The following NALF1 variants were observed in gnomAD, a reference collection of about 807,000 sequenced individuals.
The protein encoded by NALF1 is family with sequence similarity 155 member A.
A neutral mutation model predicts 48.4 loss-of-function variants in NALF1; 3 were observed. The ratio of observed to expected loss-of-function variants is 0.06; its 90% CI spans 0.03 to 0.16. NALF1 has a LOEUF of 0.16. Among genes scored for constraint, NALF1 ranks in the 10% least tolerant of loss-of-function variants. NALF1 has a pLI of 1.00. For missense variants in NALF1, 526 were observed against 571.5 expected, an observed-to-expected ratio of 0.92 and a Z score of 0.81; for synonymous variants, 262 against 245.7, an observed-to-expected ratio of 1.07 and a Z score of -0.62.
chr13:107,763,870 C>T (rs1019545631), intron 1 of NALF1, among the ~76,000 whole-genome samples: 2 of 152,274 alleles, frequency 1.3e-5, no homozygotes, highest in South Asian at 2.1e-4. Context: ...TAATCACAAG[C>T]TGTCCTATGC....
chr13:107,548,373 T>G (rs1441900897), intron 1 of NALF1, among the ~76,000 whole-genome samples: 13 of 152,180 alleles, frequency 8.5e-5, no homozygotes, highest in Non-Finnish European at 1.5e-4. Context: ...AATCTGTCAT[T>G]GATGGGCATT....
At chr13:107,286,375 C>T (rs547054205) in intron 1 of NALF1, among the ~76,000 whole-genome samples, 37 of 152,014 alleles carry the variant, frequency 2.4e-4, no homozygotes, top group Middle Eastern at 6.8e-3. Flanking sequence ...GACTCGTGCC[C>T]GTAGCTCCGG....
chr13:107,629,207 A>G (rs987349753), intron 1 of NALF1, among the ~76,000 whole-genome samples: 2 of 152,190 alleles, frequency 1.3e-5, no homozygotes, highest in African/African-American at 4.8e-5. Context: ...ACACATCTTC[A>G]TTTATTTGAC....
At chr13:107,504,954 A>C (rs186236594) in intron 1 of NALF1, among the ~76,000 whole-genome samples, 1 of 152,314 alleles carries the variant, frequency 6.6e-6, no homozygotes, top group Non-Finnish European at 1.5e-5. Context: ...GTGTCCAACA[A>C]CACAAAGGAC....
intron 1 of NALF1, among the ~76,000 whole-genome samples, chr13:107,333,000 C>G (rs1447464872): frequency 1.3e-5 from 2 of 152,090 alleles, no homozygotes; most frequent in Admixed American, 1.3e-4. Flanking sequence ...TGCGTGCCAC[C>G]ACACCCAGCT....
At chr13:107,514,789 C>G (rs1197060673) in intron 1 of NALF1, among the ~76,000 whole-genome samples, 1 of 152,152 alleles carries the variant, frequency 6.6e-6, no homozygotes, top group African/African-American at 2.4e-5. Flanking sequence ...AAAGCCTATA[C>G]TCTCCCCCAC....
At chr13:107,786,113 G>C (rs186303023) in intron 1 of NALF1, among the ~76,000 whole-genome samples, 3 of 152,210 alleles carry the variant, frequency 2.0e-5, no homozygotes, top group Non-Finnish European at 2.9e-5. Context: ...ACCCTCACAG[G>C]AAGGAACTCA....
At chr13:107,681,208 T>G (rs1204833620) in intron 1 of NALF1, among the ~76,000 whole-genome samples, 9 of 152,186 alleles carry the variant, frequency 5.9e-5, no homozygotes, top group African/African-American at 1.9e-4. Flanking sequence ...AATATGTCTT[T>G]GAAGCCATGT....
intron 1 of NALF1, among the ~76,000 whole-genome samples, chr13:107,614,977 A>G (rs1710444262): frequency 1.3e-5 from 2 of 151,766 alleles, no homozygotes; most frequent in Non-Finnish European, 2.9e-5. Flanking sequence ...AGGTTTCACC[A>G]TGTTGGCCAG....
intron 1 of NALF1, among the ~76,000 whole-genome samples, chr13:107,581,964 T>A (rs1878324901): frequency 6.6e-6 from 1 of 152,196 alleles, no homozygotes; most frequent in Non-Finnish European, 1.5e-5. Flanking sequence ...TTTGGACATT[T>A]ACTTTTCATG....
chr13:107,184,417 C>G (rs1185389895), intron 2 of NALF1, among the ~76,000 whole-genome samples: 1 of 151,550 alleles, frequency 6.6e-6, no homozygotes, highest in Non-Finnish European at 1.5e-5. Flanking sequence ...CAGTTTATTA[C>G]ATTCCCTCTG....
At chr13:107,557,958 G>A (rs972008237) in intron 1 of NALF1, among the ~76,000 whole-genome samples, 2 of 152,084 alleles carry the variant, frequency 1.3e-5, no homozygotes, top group Non-Finnish European at 2.9e-5. Context: ...TGGTATTCTT[G>A]TGGGATGTGT....
chr13:107,861,613 T>C (rs1036649357), intron 1 of NALF1, among the ~76,000 whole-genome samples: 4 of 152,190 alleles, frequency 2.6e-5, no homozygotes, highest in Admixed American at 6.5e-5. Context: ...TGAAACACCA[T>C]CTCTATGAAA....
chr13:107,318,257 T>A (rs1882188188), intron 1 of NALF1, among the ~76,000 whole-genome samples: 5 of 152,094 alleles, frequency 3.3e-5, no homozygotes, highest in Admixed American at 2.6e-4. Context: ...TTTTTGAAAA[T>A]TTTCACCTGT....
chr13:107,810,809 T>C (rs1594283974), intron 1 of NALF1, among the ~76,000 whole-genome samples: 1 of 152,058 alleles, frequency 6.6e-6, no homozygotes, highest in South Asian at 2.1e-4. Flanking sequence ...AAAGTCATTC[T>C]GTGAACTAGA....
intron 1 of NALF1, among the ~76,000 whole-genome samples, chr13:107,612,928 C>T (rs1879274522): frequency 6.6e-6 from 1 of 151,884 alleles, no homozygotes; most frequent in South Asian, 2.1e-4. Flanking sequence ...CCTATTGGCT[C>T]CATTTCTTTG....
chr13:107,389,935 C>A (rs754114126), intron 1 of NALF1, among the ~76,000 whole-genome samples: 1 of 152,156 alleles, frequency 6.6e-6, no homozygotes, highest in African/African-American at 2.4e-5. Flanking sequence ...ATTATTATCT[C>A]TAAAACATGC....
At chr13:107,302,556 G>A (rs1465300151) in intron 1 of NALF1, among the ~76,000 whole-genome samples, 2 of 152,140 alleles carry the variant, frequency 1.3e-5, no homozygotes, top group Non-Finnish European at 2.9e-5. Context: ...ACAACACTGG[G>A]GCTCCAATGG....
rs1387664039 is a variant in NALF1 at position 107,783,190 on chromosome 13, T to TG, written c.915+82491dup. On this transcript the variant is annotated intron_variant, in intron 1 of 2. Transcript: ENST00000375915. Reference sequence around the variant, plus strand: ...CCAGCCGCCCCGTCCGGGAGGGAGGTGGGGGGTCAGTCCCCCGCCCGGCCA... The same window carrying TG: ...CCAGCCGCCCCGTCCGGGAGGGAGGTGGGGGGGTCAGTCCCCCGCCCGGCCA... 3.1e-3 allele frequency among the ~76,000 whole-genome samples: 210 copies of TG among 67,792 alleles called. 2 individuals carry two copies. The highest frequency in any genetic ancestry group is 0.011 in the African/African-American group (180 of 17,004). The allele number at this position is 67,792 out of a possible 152,430, so 44.5% of individuals were successfully genotyped here. A position where few individuals can be genotyped will look rare whatever the true frequency, so the allele number is the denominator to read the frequency against.
Sources: gnomAD v4.1 joint callset for allele counts (sites outside exome capture counted in the v4.1 genomes callset) on GRCh38, gnomAD v4.1.1 for gene constraint, MANE v1.5 for transcripts, NCBI Gene and HGNC (gene_info 2026-07-23, HGNC 2026-07-21) for gene names.